CNTN4: variants seen among roughly 807,000 people sequenced by gnomAD.
The protein encoded by CNTN4 is contactin-4.
In CNTN4, 77 loss-of-function variants were observed where a neutral mutation model predicts 122.5. That is an observed-to-expected ratio of 0.63 (90% CI 0.52 to 0.76). CNTN4 has a LOEUF of 0.76. Among genes scored for constraint, CNTN4 ranks in the 30% least tolerant of loss-of-function variants. The pLI, the probability that CNTN4 is intolerant of heterozygous loss-of-function variation, is 0.00. For missense variants in CNTN4, 1,256 were observed against 1,259.1 expected (o/e 1.00, Z 0.04); for synonymous variants, 512 against 447.0 (o/e 1.15, Z -1.83).
Position 2,769,151 on chromosome 3 carries a change from G to A in CNTN4, c.358+23454G>A, listed in dbSNP as rs149474058. Among the ~76,000 whole-genome samples, 55 of 152,136 alleles carry A rather than the reference G, an allele frequency of 3.6e-4. No individual in the cohort carries two copies. The East Asian group carries it at 0.01, about 28-fold the overall frequency. On this transcript the variant is annotated intron_variant, in intron 6 of 24. Transcript: ENST00000418658. Reference sequence around the variant, plus strand: ...TATACTGAAATTTCCACCAGTCTACGCAAATATGCACTACATTATTAAAAT... The same window carrying A: ...TATACTGAAATTTCCACCAGTCTACACAAATATGCACTACATTATTAAAAT...
chr3:2,222,641 T>C (rs985298872), intron 2 of CNTN4, among the ~76,000 whole-genome samples: 1 of 152,018 alleles, frequency 6.6e-6, no homozygotes, highest in Non-Finnish European at 1.5e-5. Context: ...GATATAAGAA[T>C]TTATACGCAC....
chr3:2,186,590 C>G (rs202231391), intron 2 of CNTN4, among the ~76,000 whole-genome samples: 1 of 152,154 alleles, frequency 6.6e-6, no homozygotes, highest in African/African-American at 2.4e-5. Context: ...TCTCCAGCAC[C>G]TGTTGTTTCC....
chr3:2,530,611 A>G (rs1432065048), intron 3 of CNTN4, among the ~76,000 whole-genome samples: 2 of 151,802 alleles, frequency 1.3e-5, no homozygotes, highest in African/African-American at 2.4e-5. Flanking sequence ...CCTGGCCTCT[A>G]TTTTCTTCTT....
chr3:3,048,502 TTC>T (rs58018554), intron 23 of CNTN4, among the ~76,000 whole-genome samples: 50,986 of 140,174 alleles, frequency 0.36, 9,555 homozygotes, highest in East Asian at 0.55. Flanking sequence ...CTCTCTCTCT[TTC>T]TCTCTCTCTC....
At chr3:2,438,313 G>C (rs963810602) in intron 3 of CNTN4, among the ~76,000 whole-genome samples, 6 of 152,176 alleles carry the variant, frequency 3.9e-5, no homozygotes, top group African/African-American at 1.4e-4. Flanking sequence ...TGAGGTGTCA[G>C]GAGATGAAGA....
intron 6 of CNTN4, among the ~76,000 whole-genome samples, chr3:2,763,407 G>A (rs12639571): frequency 0.45 from 68,912 of 152,050 alleles, 17,033 homozygotes; most frequent in Non-Finnish European, 0.58. Context: ...CATAGTTTGC[G>A]AAGACTTTCT....
At chr3:2,533,500 GTA>G (rs77021464) in intron 3 of CNTN4, among the ~76,000 whole-genome samples, 110,128 of 151,718 alleles carry the variant, frequency 0.73, 40,091 homozygotes, top group South Asian at 0.79. Context: ...TCCATAGGGT[GTA>G]TATGTACCAC....
chr3:2,243,369 C>T lies in CNTN4; in HGVS notation c.-144-95809C>T, dbSNP rs1477403627. Among the ~76,000 whole-genome samples, 5 of 152,226 alleles carry T rather than the reference C, an allele frequency of 3.3e-5. No homozygotes were observed. The South Asian group carries it at 1.0e-3, about 32-fold the overall frequency. On this transcript the variant is annotated intron_variant, in intron 2 of 24. Transcript: ENST00000418658. ...CTGTTAGAAGTGGAACCTTAATATC[C>T]ATTTTTATGTGATGAATTTCTAGGC...
intron 6 of CNTN4, among the ~76,000 whole-genome samples, chr3:2,787,031 A>T (rs1289644886): frequency 1.3e-5 from 2 of 152,204 alleles, no homozygotes; most frequent in Admixed American, 1.3e-4. Flanking sequence ...CATGCTATGA[A>T]CATACAGTTT....
intron 3 of CNTN4, among the ~76,000 whole-genome samples, chr3:2,566,804 A>G (rs1290667332): frequency 1.3e-5 from 2 of 152,352 alleles, no homozygotes; most frequent in East Asian, 1.9e-4. Flanking sequence ...TAGTAAATCC[A>G]GGAAGAACTC....
chr3:2,612,278 A>C (rs2081532017), intron 4 of CNTN4, among the ~76,000 whole-genome samples: 1 of 152,142 alleles, frequency 6.6e-6, no homozygotes, highest in African/African-American at 2.4e-5. Context: ...AGCCTAACTT[A>C]AACATAATGA....
intron 3 of CNTN4, among the ~76,000 whole-genome samples, chr3:2,484,833 C>T (rs947237988): frequency 6.6e-6 from 1 of 152,242 alleles, no homozygotes; most frequent in Non-Finnish European, 1.5e-5. Flanking sequence ...AGCCCTTCAG[C>T]CTGCCACTGT....
At chr3:2,169,707 A>G (rs2036382728) in intron 2 of CNTN4, among the ~76,000 whole-genome samples, 1 of 152,066 alleles carries the variant, frequency 6.6e-6, no homozygotes, top group Non-Finnish European at 1.5e-5. Context: ...TAGAAACTTT[A>G]AAGCTATTAT....
chr3:2,172,185 A>G (rs1246737500), intron 2 of CNTN4, among the ~76,000 whole-genome samples: 1 of 152,182 alleles, frequency 6.6e-6, no homozygotes, highest in African/African-American at 2.4e-5. Context: ...GATAAAGAAA[A>G]TGGGGCATAT....
chr3:2,255,340 A>G (rs151262147), intron 2 of CNTN4, among the ~76,000 whole-genome samples: 4 of 152,116 alleles, frequency 2.6e-5, no homozygotes, highest in African/African-American at 9.7e-5. Flanking sequence ...ATAGTGTGAG[A>G]CTTTAACACC....
intron 3 of CNTN4, among the ~76,000 whole-genome samples, chr3:2,380,202 G>C (rs569898256): frequency 1.3e-5 from 2 of 152,308 alleles, no homozygotes; most frequent in African/African-American, 2.4e-5. Context: ...ACAGAAGTTA[G>C]GGAAAATGGG....
chr3:2,657,519 T>G (rs1318720443), intron 4 of CNTN4, among the ~76,000 whole-genome samples: 1 of 152,172 alleles, frequency 6.6e-6, no homozygotes, highest in Non-Finnish European at 1.5e-5. Flanking sequence ...TTTGCGTTTG[T>G]GAATTGAAAG....
chr3:2,822,653 A>G (rs2092902099), intron 7 of CNTN4, among the ~76,000 whole-genome samples: 1 of 152,222 alleles, frequency 6.6e-6, no homozygotes, highest in South Asian at 2.1e-4. Flanking sequence ...ATATTAAGAA[A>G]AACACCACCA....
At chr3:2,231,830 C>G (rs552760737) in intron 2 of CNTN4, among the ~76,000 whole-genome samples, 1 of 152,010 alleles carries the variant, frequency 6.6e-6, no homozygotes, top group Non-Finnish European at 1.5e-5. Flanking sequence ...TCAATTATGT[C>G]CTGATAAAAA....
Sources: allele counts gnomAD v4.1 joint callset (sites outside exome capture counted in the v4.1 genomes callset), GRCh38; gene constraint gnomAD v4.1.1; transcripts MANE v1.5; gene names NCBI Gene and HGNC (gene_info 2026-07-23, HGNC 2026-07-21).